The following ZDHHC2 variants were observed in gnomAD, a reference collection of about 807,000 sequenced individuals.
ZDHHC2 encodes the protein zDHHC palmitoyltransferase 2, also known as palmitoyltransferase ZDHHC2.
Under a neutral mutation model 55.6 loss-of-function variants are expected in ZDHHC2, and 51 were observed. The ratio of observed to expected loss-of-function variants is 0.92; its 90% confidence interval spans 0.73 to 1.16. ZDHHC2 has a LOEUF of 1.16. Ranked by LOEUF, ZDHHC2 falls within the 50% of genes most tolerant of loss-of-function variation. The pLI, the probability that ZDHHC2 is intolerant of heterozygous loss-of-function variation, is 0.00. For missense variants in ZDHHC2, 491 were observed against 442.4 expected (o/e 1.11, Z -0.99); for synonymous variants, 199 against 152.9 (o/e 1.30, Z -2.22).
chr8:17,188,833 A>G (rs140989125), intron 3 of ZDHHC2, among the ~76,000 whole-genome samples: 45 of 152,302 alleles, frequency 3.0e-4, no homozygotes, highest in African/African-American at 9.6e-4. Context: ...TTAATTCCCC[A>G]GTTCTTCTAG....
intron 4 of ZDHHC2, among the ~76,000 whole-genome samples, chr8:17,196,696 A>T (rs1380843338): frequency 3.3e-5 from 5 of 152,002 alleles, no homozygotes; most frequent in Non-Finnish European, 2.9e-5. Flanking sequence ...TGAGGTCAGG[A>T]GTTTGAGACC....
chr8:17,160,817 G>T (rs1804305652), intron 1 of ZDHHC2, among the ~76,000 whole-genome samples: 1 of 152,182 alleles, frequency 6.6e-6, no homozygotes, highest in Non-Finnish European at 1.5e-5. Flanking sequence ...TGCTATCTTA[G>T]AGAGCGGCCA....
chr8:17,156,720 G>C lies in ZDHHC2; in HGVS notation c.-4G>C, dbSNP rs1804065415. 10 of 1,471,140 alleles carry C rather than the reference G, an allele frequency of 6.8e-6. No individual in the cohort carries two copies. The highest frequency in any genetic ancestry group is 9.0e-6 in the Non-Finnish European group (10 of 1,108,914). The allele number at this position is 1,471,140 out of a possible 1,614,324, so 91.1% of individuals were successfully genotyped here. On this transcript the variant is annotated 5_prime_UTR_variant, in exon 1 of 13. Transcript: ENST00000262096. ...GGAGCTGGGCAGGTGGATGCGGCTGGAAGATGGCGCCCTCGGGCCCGGGCA... is the reference window on the plus strand; with the variant it reads ...GGAGCTGGGCAGGTGGATGCGGCTGCAAGATGGCGCCCTCGGGCCCGGGCA...
intron 10 of ZDHHC2, among the ~76,000 whole-genome samples, chr8:17,214,268 A>T (rs1247066110): frequency 2.0e-5 from 3 of 152,196 alleles, no homozygotes; most frequent in Admixed American, 2.0e-4. Context: ...TCTTCTTAGA[A>T]GACTGCTCAT....
chr8:17,189,214 C>T (rs1035482971), intron 3 of ZDHHC2, among the ~76,000 whole-genome samples: 1 of 145,972 alleles, frequency 6.9e-6, no homozygotes, highest in Admixed American at 7.0e-5. Flanking sequence ...GCAAATCTCT[C>T]ACCTTTTTGA....
In ZDHHC2 at chr8:17,215,310, TG is replaced by T; in HGVS notation, c.1026del (p.Trp342Ter). 6.3e-7 allele frequency: 1 copy of T among 1,596,428 alleles called. No individual in the cohort carries two copies. Among genetic ancestry groups the T allele is most frequent in the Non-Finnish European group, 8.5e-7 (1 of 1,170,920 alleles). ...QSHLLTDSQS[W>X]TESSINPGKC... is the part of the protein sequence containing the mutation. ...CCACCTTCTTACTGATTCTCAGTCT[TG>T]GACGGAGAGCAGCATAAACCCAGGA... On this transcript the variant is annotated frameshift_variant, in exon 11 of 13. Coordinates refer to ENST00000262096, the MANE Select transcript of ZDHHC2 (RefSeq NM_016353.5). LOFTEE classifies it high-confidence loss of function.
At chr8:17,203,536 ATTGTCCAAAG>A (rs1292910478) in intron 6 of ZDHHC2, among the ~76,000 whole-genome samples, 6 of 150,892 alleles carry the variant, frequency 4.0e-5, no homozygotes, top group African/African-American at 7.3e-5. Flanking sequence ...GCCCACCCAT[ATTGTCCAAAG>A]TTTTAAAGCA....
intron 10 of ZDHHC2, among the ~76,000 whole-genome samples, chr8:17,212,288 G>A (rs1807424731): frequency 1.3e-5 from 2 of 152,036 alleles, no homozygotes; most frequent in Admixed American, 1.3e-4. Context: ...CACCCACTTG[G>A]ACACCTAAAA....
chr8:17,167,618 G>C (rs1804667673), intron 1 of ZDHHC2, among the ~76,000 whole-genome samples: 1 of 151,994 alleles, frequency 6.6e-6, no homozygotes, highest in African/African-American at 2.4e-5. Context: ...TATTTTTATG[G>C]TTTCACATAT....
chr8:17,190,951 C>CTTTTTTTTTTTTT (rs10601402), intron 3 of ZDHHC2, among the ~76,000 whole-genome samples: 4 of 52,776 alleles, frequency 7.6e-5, no homozygotes, highest in Non-Finnish European at 1.4e-4. Context: ...CTTATTCATT[C>CTTTTTTTTTTTTT]TTTTTTTTTT....
At chr8:17,206,681 T>C (rs955089791) in intron 7 of ZDHHC2, among the ~76,000 whole-genome samples, 3 of 152,214 alleles carry the variant, frequency 2.0e-5, no homozygotes, top group South Asian at 4.1e-4. Context: ...ACACTATATA[T>C]TTTAAATGTA....
intron 9 of ZDHHC2, 69 bp from the exon 10 acceptor site, chr8:17,210,319 G>C (rs977007045): frequency 2.0e-6 from 3 of 1,477,002 alleles, no homozygotes; most frequent in Non-Finnish European, 2.8e-6. Context: ...TCGGACATCA[G>C]CATTTTGGCA....
At position 17,199,509 on chromosome 8, in the gene ZDHHC2, T is replaced by TCTTCGTCTTCG. The variant is rs1554466018; in HGVS notation, c.476+1096_476+1097insCTTCGTCTTCG. On this transcript the variant is annotated intron_variant, in intron 6 of 12. Transcript: ENST00000262096. ...CTTCTTCTTCTTCTTCTTCTTCTTC[T>TCTTCGTCTTCG]TCTTCGTCTTCGTCTTCGTCTTCTG... 1.4e-3 allele frequency among the ~76,000 whole-genome samples: 173 copies of TCTTCGTCTTCG among 121,126 alleles called. 12 individuals are homozygous for TCTTCGTCTTCG. Among genetic ancestry groups the TCTTCGTCTTCG allele is most frequent in the East Asian group, 9.3e-3 (33 of 3,550 alleles). 79.5% of individuals were successfully genotyped at this position (121,126 alleles called of 152,430 possible). A position where few individuals can be genotyped will look rare whatever the true frequency, so the allele number is the denominator to read the frequency against.
intron 4 of ZDHHC2, among the ~76,000 whole-genome samples, chr8:17,196,707 G>T (rs1280175402): frequency 2.6e-5 from 4 of 151,648 alleles, no homozygotes; most frequent in Non-Finnish European, 4.4e-5. Context: ...GTTTGAGACC[G>T]GTGTGGCCAA....
rs1806588276 is a variant in ZDHHC2, at chr8:17,199,579, C to CT, written c.476+1168dup. On this transcript the variant is annotated intron_variant, in intron 6 of 12. Coordinates refer to ENST00000262096, the MANE Select transcript of ZDHHC2 (RefSeq NM_016353.5). ...TCTTCGTCTTCTTCGTCTTTGTCTT[C>CT]TTCTTCTTCTTTCTTCTTCTTTATT... 5.1e-5 allele frequency among the ~76,000 whole-genome samples: 2 copies of CT among 39,046 alleles called. 1 individual carries two copies. Among genetic ancestry groups the CT allele is most frequent in the Non-Finnish European group, 2.0e-4 (2 of 9,920 alleles). 25.6% of individuals were successfully genotyped at this position (39,046 alleles called of 152,430 possible).
chr8:17,165,528 C>G (rs1022582360), intron 1 of ZDHHC2, among the ~76,000 whole-genome samples: 9 of 152,302 alleles, frequency 5.9e-5, no homozygotes, highest in African/African-American at 2.2e-4. Flanking sequence ...ACCATAGCCT[C>G]CCATAAACTT....
At chr8:17,175,561 C>T (rs980212820) in intron 1 of ZDHHC2, among the ~76,000 whole-genome samples, 5 of 152,176 alleles carry the variant, frequency 3.3e-5, no homozygotes, top group African/African-American at 7.2e-5. Context: ...ATGAATTTAT[C>T]CTCCATATTT....
At chr8:17,211,949 C>CT (rs1435646369) in intron 10 of ZDHHC2, among the ~76,000 whole-genome samples, 1 of 152,014 alleles carries the variant, frequency 6.6e-6, no homozygotes, top group African/African-American at 2.4e-5. Context: ...GTTTATAATA[C>CT]TTTTTTGCCC....
intron 1 of ZDHHC2, among the ~76,000 whole-genome samples, chr8:17,165,245 C>G (rs1381995407): frequency 6.6e-6 from 1 of 152,166 alleles, no homozygotes; most frequent in African/African-American, 2.4e-5. Context: ...AAGTTTACTA[C>G]TAAGTGGGCA....
Sources: gnomAD v4.1 joint callset for allele counts (sites outside exome capture counted in the v4.1 genomes callset) on GRCh38, gnomAD v4.1.1 for gene constraint, MANE v1.5 for transcripts, NCBI Gene and HGNC (gene_info 2026-07-23, HGNC 2026-07-21) for gene names.